The following MCOLN1 variants were observed in gnomAD, a reference collection of about 807,000 sequenced individuals.
The protein encoded by MCOLN1 is mucolipin TRP cation channel 1.
MCOLN1 carries 50 observed loss-of-function variants against 70.3 expected under a neutral mutation model. The ratio of observed to expected loss-of-function variants is 0.71; its 90% CI spans 0.57 to 0.90. The LOEUF (loss-of-function observed/expected upper bound fraction) is 0.90. Among genes scored for constraint, MCOLN1 ranks in the 40% least tolerant of loss-of-function variants. MCOLN1 has a pLI of 0.00. For synonymous variants in MCOLN1, 366 were observed against 341.0 expected, an observed-to-expected ratio of 1.07 and a Z score of -0.81; for missense variants, 598 against 803.5, an observed-to-expected ratio of 0.74 and a Z score of 3.09.
At chr19:7,533,016 C>G (rs1053489676) in intron 12 of MCOLN1, among the ~76,000 whole-genome samples, 1 of 152,222 alleles carries the variant, frequency 6.6e-6, no homozygotes, top group African/African-American at 2.4e-5. Context: ...TGGCTGGGAC[C>G]CTGCCACATC....
In MCOLN1 at chr19:7,526,491, A is replaced by C. The variant is rs944742692; in HGVS notation, c.290A>C (p.Asn97Thr). ...NQLAVTFREE[N>T]TIAFRHLFLL... ...CTGGCTGTGACATTCCGGGAAGAGA[A>C]CACCATCGCCTTCCGACACCTCTTC... is the stretch of plus-strand genomic sequence containing the variant. Residue 97 changes from asparagine to threonine, a missense_variant, in exon 3 of 14, where the codon AAC becomes ACC. By Grantham distance (65) the Asn-to-Thr change is moderately conservative (BLOSUM62 0). Around this residue, in one of 3 missense-constraint regions of MCOLN1, gnomAD observed 461 missense variants for 588.4 expected, o/e 0.78. Transcript: ENST00000264079. The surrounding 1 kb of genome is among the most constrained non-coding windows in gnomAD (Gnocchi z 4.6). The C allele has an allele frequency of 4.3e-6, 7 of 1,614,106 alleles. No homozygotes were observed. Among genetic ancestry groups the C allele is most frequent in the Non-Finnish European group, 5.1e-6 (6 of 1,180,032 alleles).
At position 7,530,316 on chromosome 19, in the gene MCOLN1, C is replaced by T. The variant is rs2022637355; in HGVS notation, c.1390C>T (p.Leu464=). The T allele has an allele frequency of 1.9e-6, 3 of 1,613,590 alleles. No homozygotes were observed. The highest frequency in any genetic ancestry group is 1.7e-6 in the Non-Finnish European group (2 of 1,180,042). The part of the protein sequence containing the change: ...FRSLSMVSEC[L]FSLINGDDMF... ...CTCACTCTCCATGGTGTCTGAGTGC[C>T]TGTTCTCGCTCATCAATGGGGACGA... The change falls in exon 12 of 14, where the codon CTG becomes TTG. Residue 464 remains leucine, a synonymous_variant. Coordinates refer to ENST00000264079, the MANE Select transcript of MCOLN1 (RefSeq NM_020533.3).
intron 12 of MCOLN1, among the ~76,000 whole-genome samples, chr19:7,531,556 G>A (rs2022653040): frequency 6.6e-6 from 1 of 152,126 alleles, no homozygotes; most frequent in Non-Finnish European, 1.5e-5. Context: ...CCATTAACAT[G>A]GTGATCCTCA....
At position 7,528,747 on chromosome 19, in the gene MCOLN1, C is replaced by T. The variant is rs986059919; in HGVS notation, c.984+44C>T. 1.2e-6 allele frequency: 2 copies of T among 1,614,190 alleles called. No homozygotes were observed. The highest frequency in any genetic ancestry group is 1.7e-5 in the Admixed American group (1 of 60,024). On this transcript the variant is annotated intron_variant, in intron 8 of 13. Transcript: ENST00000264079. The surrounding 1 kb of genome is among the most constrained non-coding windows in gnomAD (Gnocchi z 4.2). ...GTGTGCTGGTGTCCTCCCCGCCTGG[C>T]CCTGGGGCGATAAAAGCCAGGGCTT...
At chr19:7,531,892 T>A (rs2022657642) in intron 12 of MCOLN1, among the ~76,000 whole-genome samples, 1 of 152,160 alleles carries the variant, frequency 6.6e-6, no homozygotes, top group African/African-American at 2.4e-5. Flanking sequence ...GGTCTCAAAC[T>A]CCTGACCTTG....
At chr19:7,532,251 C>G (rs2022662806) in intron 12 of MCOLN1, among the ~76,000 whole-genome samples, 1 of 152,152 alleles carries the variant, frequency 6.6e-6, no homozygotes, top group African/African-American at 2.4e-5. Flanking sequence ...GGCACAGGAA[C>G]AGACATCCCA....
rs1302834128 is a variant in MCOLN1, at chr19:7,527,587, A to G, written c.639A>G (p.Glu213=). Residue 213 remains glutamate, a synonymous_variant, in exon 5 of 14, where the codon GAA becomes GAG. Coordinates refer to ENST00000264079, the MANE Select transcript of MCOLN1 (RefSeq NM_020533.3). The stretch of plus-strand genomic sequence containing the variant: ...CCAGCGACGATCTCACCCTCTTGGA[A>G]AGCAGCTCCAGTTACAAGAACCTCA... ...PPPSDDLTLL[E]SSSSYKNLTL... The G allele has an allele frequency of 1.9e-6, 3 of 1,613,624 alleles. No individual in the cohort carries two copies. Among genetic ancestry groups the G allele is most frequent in the Non-Finnish European group, 2.5e-6 (3 of 1,179,554 alleles).
chr19:7,533,592 A>C lies in MCOLN1; in HGVS notation c.1645A>C (p.Thr549Pro), dbSNP rs780992839. ...CATCGCACAGTGCCAGGACAGCCCC[A>C]CCTCCGGCAAGTTCCGCCGCGGGAG... ...AYIAQCQDSP[T>P]SGKFRRGSGS... Residue 549 changes from threonine (T) to proline (P), a missense_variant, in exon 13 of 14, where the codon ACC becomes CCC. By Grantham distance (38) the Thr-to-Pro change is conservative. Around this residue, in one of 3 missense-constraint regions of MCOLN1, gnomAD observed 59 missense variants for 58.8 expected, o/e 1.00. Coordinates refer to ENST00000264079, the MANE Select transcript of MCOLN1 (RefSeq NM_020533.3). 6.2e-7 allele frequency: 1 copy of C among 1,613,230 alleles called. No homozygotes were observed. Among genetic ancestry groups the C allele is most frequent in the Non-Finnish European group, 8.5e-7 (1 of 1,179,952 alleles).
At position 7,525,059 on chromosome 19, in the gene MCOLN1, C is replaced by T; in HGVS notation, c.130C>T (p.Arg44Cys). Residue 44 changes from arginine (R) to cysteine (C), a missense_variant, in exon 2 of 14, where the codon CGT becomes TGT. Coordinates refer to ENST00000264079, the MANE Select transcript of MCOLN1 (RefSeq NM_020533.3). The surrounding 1 kb of genome is among the most constrained non-coding windows in gnomAD (Gnocchi z 4.2). ...TPPEEEDLRR[R>C]LKYFFMSPCD... ...CCCAGAAGAGGAAGACCTTCGCCGT[C>T]GTCTCAAATACTTTTTCATGAGTCC... The T allele has an allele frequency of 6.2e-7, 1 of 1,614,166 alleles. No homozygotes were observed. The highest frequency in any genetic ancestry group is 8.5e-7 in the Non-Finnish European group (1 of 1,180,026).
Position 7,527,892 on chromosome 19 carries a change from CT to C in MCOLN1, c.710del (p.Leu237ArgfsTer23). The C allele has an allele frequency of 6.2e-7, 1 of 1,614,166 alleles. No homozygotes were observed. Among genetic ancestry groups the C allele is most frequent in the Non-Finnish European group, 8.5e-7 (1 of 1,179,996 alleles). On this transcript the variant is annotated frameshift_variant, in exon 6 of 14. Coordinates refer to ENST00000264079, the MANE Select transcript of MCOLN1 (RefSeq NM_020533.3). LOFTEE classifies it high-confidence loss of function. ...GGTCAATGTCACCATCCACTTCCGG[CT>C]GAAGACCATTAACCTCCAGAGCCTC... ...KLVNVTIHFR[L>X]KTINLQSLIN...
Position 7,533,572 on chromosome 19 carries a change from C to A in MCOLN1, c.1625C>A (p.Ala542Glu). 6.2e-7 allele frequency: 1 copy of A among 1,612,742 alleles called. No individual in the cohort carries two copies. Among genetic ancestry groups the A allele is most frequent in the Non-Finnish European group, 8.5e-7 (1 of 1,179,978 alleles). ...AEESELQAYI[A>E]QCQDSPTSGK... ...GAGAGCGAGCTGCAGGCCTACATCGCACAGTGCCAGGACAGCCCCACCTCC... is the reference window on the plus strand; with the variant it reads ...GAGAGCGAGCTGCAGGCCTACATCGAACAGTGCCAGGACAGCCCCACCTCC... Residue 542 changes from alanine (A) to glutamate (E), a missense_variant, in exon 13 of 14, where the codon GCA becomes GAA. This residue lies in a region of MCOLN1 where 59 missense variants were observed against 58.8 expected (regional missense o/e 1.00). Coordinates refer to ENST00000264079, the MANE Select transcript of MCOLN1 (RefSeq NM_020533.3).
At chr19:7,533,385 CG>C in intron 12 of MCOLN1, 137 bp from the exon 13 acceptor site, 1 of 1,132,708 alleles carries the variant, frequency 8.8e-7, no homozygotes, top group Non-Finnish European at 1.3e-6. Context: ...TGTGGAACAA[CG>C]GGTGGAGCAG....
intron 12 of MCOLN1, among the ~76,000 whole-genome samples, chr19:7,532,844 A>G (rs2022677581): frequency 6.6e-6 from 1 of 152,244 alleles, no homozygotes; most frequent in Non-Finnish European, 1.5e-5. Context: ...CATATTGGAC[A>G]GCATAGATAT....
rs538433977 is a variant in MCOLN1, at chr19:7,530,518, C to T, written c.1575+17C>T. 47 of 1,604,368 alleles carry T rather than the reference C, an allele frequency of 2.9e-5. No individual in the cohort carries two copies. Among genetic ancestry groups the T allele is most frequent in the African/African-American group, 5.3e-5 (4 of 74,998 alleles). ...ACCATCAAGGTCAGCCGCATGCACC[C>T]AGCCCTGAGCTCGGGCTCTGGGTGC... On this transcript the variant is annotated intron_variant, in intron 12 of 13. Transcript: ENST00000264079.
chr19:7,529,564 A>G (rs376824350), intron 10 of MCOLN1, 26 bp from the exon 11 acceptor site: 4 of 1,581,956 alleles, frequency 2.5e-6, no homozygotes, highest in African/African-American at 1.4e-5. Flanking sequence ...CACACCCTCA[A>G]CGAGGCTCCC....
Position 7,529,447 on chromosome 19 carries a change from C to G in MCOLN1, c.1237-143C>G. ...CGGACCCCCTCAGACGTGGCCACGC[C>G]CCCTCTAGGCACCCACTGGCTCCCA... On this transcript the variant is annotated intron_variant, in intron 10 of 13. Transcript: ENST00000264079. 6 of 1,122,278 alleles carry G rather than the reference C, an allele frequency of 5.3e-6. No individual in the cohort carries two copies. The South Asian group carries it at 8.1e-5, about 15-fold the overall frequency. 69.5% of individuals were successfully genotyped at this position (1,122,278 alleles called of 1,614,324 possible).
rs752059298 is a variant in MCOLN1, at chr19:7,530,276, C to T, written c.1360-10C>T. 1.9e-6 allele frequency: 3 copies of T among 1,611,342 alleles called. No individual in the cohort carries two copies. Among genetic ancestry groups the T allele is most frequent in the Non-Finnish European group, 2.5e-6 (3 of 1,179,486 alleles). ...CTTGGCTCCCTCTGACCCCGCCGCC[C>T]CTCTGGCAGTTCCGCTCACTCTCCA... On this transcript the variant is annotated splice_polypyrimidine_tract_variant and intron_variant, in intron 11 of 13. Coordinates refer to ENST00000264079, the MANE Select transcript of MCOLN1 (RefSeq NM_020533.3).
Position 7,524,944 on chromosome 19 carries a change from C to G in MCOLN1, c.32-17C>G. 1 of 1,611,364 alleles carries G rather than the reference C, an allele frequency of 6.2e-7. No homozygotes were observed. The highest frequency in any genetic ancestry group is 1.1e-5 in the South Asian group (1 of 90,996). On this transcript the variant is annotated splice_polypyrimidine_tract_variant and intron_variant, in intron 1 of 13. Coordinates refer to ENST00000264079, the MANE Select transcript of MCOLN1 (RefSeq NM_020533.3). This position sits in a 1 kb window ranked among gnomAD's most constrained non-coding sequence, Gnocchi z 4.1. The stretch of plus-strand genomic sequence containing the variant: ...GTTGCCCAGGCCTCACCCCAGTGCC[C>G]TCTCCTATTCCCACAGAGACCGAGC...
At chr19:7,531,036 G>A (rs1039480273) in intron 12 of MCOLN1, among the ~76,000 whole-genome samples, 111 of 150,976 alleles carry the variant, frequency 7.4e-4, no homozygotes, top group African/African-American at 2.5e-3. Flanking sequence ...CACCACGCCC[G>A]GCCTATTTTA....
Sources: gnomAD v4.1 joint callset for allele counts (sites outside exome capture counted in the v4.1 genomes callset) on GRCh38, gnomAD v4.1.1 for gene constraint, gnomAD v4.1.1 regional missense constraint, Gnocchi (gnomAD v3.1) non-coding constraint, MANE v1.5 for transcripts, NCBI Gene and HGNC (gene_info 2026-07-23, HGNC 2026-07-21) for gene names.